Variants in DGKB observed in about 807,000 individuals in gnomAD.
The protein encoded by DGKB is diacylglycerol kinase beta, also known as 90 kDa diacylglycerol kinase.
DGKB carries 67 observed loss-of-function variants against 114.3 expected under a neutral mutation model. The observed-to-expected ratio is 0.59, with a 90% CI of 0.48 to 0.72. The LOEUF (loss-of-function observed/expected upper bound fraction) is 0.72. Among genes scored for constraint, DGKB ranks in the 30% least tolerant of loss-of-function variants. The probability of loss-of-function intolerance (pLI) is 0.00; values close to 1 mark genes in which losing one functional copy is unlikely to be tolerated. For missense variants in DGKB, 907 were observed against 975.2 expected, an observed-to-expected ratio of 0.93 and a Z score of 0.93; for synonymous variants, 398 against 323.1, an observed-to-expected ratio of 1.23 and a Z score of -2.49.
At chr7:14,206,161 A>G (rs1786775396) in intron 23 of DGKB, among the ~76,000 whole-genome samples, 1 of 152,058 alleles carries the variant, frequency 6.6e-6, no homozygotes, top group Non-Finnish European at 1.5e-5. Flanking sequence ...ACTAAGAAAG[A>G]CTGTAAAGAG....
chr7:14,822,470 G>T (rs756719035), intron 2 of DGKB, among the ~76,000 whole-genome samples: 14 of 152,126 alleles, frequency 9.2e-5, no homozygotes, highest in Non-Finnish European at 1.6e-4. Flanking sequence ...GGGGAGAAAT[G>T]ATTGGTTACT....
chr7:14,715,032 G>C (rs1421329222), intron 6 of DGKB, among the ~76,000 whole-genome samples: 1 of 152,140 alleles, frequency 6.6e-6, no homozygotes, highest in Non-Finnish European at 1.5e-5. Flanking sequence ...CCATGGGACA[G>C]AGACTATTTA....
intron 21 of DGKB, among the ~76,000 whole-genome samples, chr7:14,412,412 C>T (rs1825037591): frequency 6.6e-6 from 1 of 152,142 alleles, no homozygotes; most frequent in Non-Finnish European, 1.5e-5. Flanking sequence ...GGTCAGAATT[C>T]CCTGCTCAAG....
At chr7:14,883,220 A>G (rs1052062190) in intron 1 of DGKB, among the ~76,000 whole-genome samples, 1 of 151,900 alleles carries the variant, frequency 6.6e-6, no homozygotes, top group Non-Finnish European at 1.5e-5. Flanking sequence ...TTACTTATAC[A>G]TTTTACATAT....
intron 1 of DGKB, among the ~76,000 whole-genome samples, chr7:14,957,368 T>C (rs949472078): frequency 2.0e-5 from 3 of 152,028 alleles, no homozygotes; most frequent in African/African-American, 7.2e-5. Flanking sequence ...ATACAATAAA[T>C]AATGTGATCT....
chr7:14,833,034 A>T (rs555367909), intron 2 of DGKB, among the ~76,000 whole-genome samples: 1 of 152,114 alleles, frequency 6.6e-6, no homozygotes, highest in Admixed American at 6.6e-5. Flanking sequence ...AGCCACACTG[A>T]CTTACTTCTA....
chr7:14,293,826 GTTC>G (rs1470320720), intron 23 of DGKB, among the ~76,000 whole-genome samples: 2 of 152,116 alleles, frequency 1.3e-5, no homozygotes, highest in Non-Finnish European at 2.9e-5. Context: ...AAGTCCTTAT[GTTC>G]TTCTTGCTGA....
chr7:14,640,517 T>C (rs1200849777), intron 13 of DGKB, among the ~76,000 whole-genome samples: 2 of 152,180 alleles, frequency 1.3e-5, no homozygotes, highest in Non-Finnish European at 1.5e-5. Flanking sequence ...CTTTAGAGTA[T>C]TAGCAACAGA....
At chr7:14,688,711 C>T (rs1232573497) in intron 9 of DGKB, among the ~76,000 whole-genome samples, 1 of 152,088 alleles carries the variant, frequency 6.6e-6, no homozygotes, top group Non-Finnish European at 1.5e-5. Context: ...TACATTTTCC[C>T]CAACTCTTAG....
intron 23 of DGKB, among the ~76,000 whole-genome samples, chr7:14,214,767 A>G (rs185542100): frequency 2.6e-5 from 4 of 152,278 alleles, no homozygotes. Context: ...TTTCAAAAAT[A>G]CCAAATGAAA....
At chr7:14,280,008 G>C (rs970565413) in intron 23 of DGKB, among the ~76,000 whole-genome samples, 1 of 151,684 alleles carries the variant, frequency 6.6e-6, no homozygotes, top group Non-Finnish European at 1.5e-5. Flanking sequence ...AAGCTGGACG[G>C]AGAATGACTT....
At chr7:14,617,424 A>C (rs1273860687) in intron 15 of DGKB, among the ~76,000 whole-genome samples, 2 of 151,618 alleles carry the variant, frequency 1.3e-5, no homozygotes, top group Non-Finnish European at 3.0e-5. Context: ...CTCAAAATAT[A>C]TGTAGAATCC....
At chr7:14,512,067 G>GA (rs35778717) in intron 20 of DGKB, among the ~76,000 whole-genome samples, 65,978 of 151,966 alleles carry the variant, frequency 0.43, 15,178 homozygotes, top group East Asian at 0.73. Context: ...AAAAGTGACA[G>GA]AAACATAAAG....
chr7:14,215,839 C>A (rs1477759455), intron 23 of DGKB, among the ~76,000 whole-genome samples: 1 of 152,094 alleles, frequency 6.6e-6, no homozygotes, highest in Non-Finnish European at 1.5e-5. Context: ...GAAAGGTATG[C>A]ATTTTATTCA....
intron 23 of DGKB, among the ~76,000 whole-genome samples, chr7:14,300,788 G>A (rs1803410904): frequency 6.6e-6 from 1 of 151,956 alleles, no homozygotes; most frequent in Non-Finnish European, 1.5e-5. Context: ...CCATTTCCTG[G>A]TTTTGAATAG....
chr7:14,248,048 G>A (rs775901533), intron 23 of DGKB, among the ~76,000 whole-genome samples: 1 of 151,964 alleles, frequency 6.6e-6, no homozygotes, highest in Non-Finnish European at 1.5e-5. Flanking sequence ...ATAGGAGTTC[G>A]ATTCTATTCT....
intron 20 of DGKB, among the ~76,000 whole-genome samples, chr7:14,495,719 C>A (rs930628226): frequency 6.6e-6 from 1 of 151,730 alleles, no homozygotes; most frequent in African/African-American, 2.4e-5. Context: ...CCTGTAGTGT[C>A]TCTTTAAAAC....
chr7:14,777,892 AT>A (rs1430266906), intron 2 of DGKB, among the ~76,000 whole-genome samples: 2 of 152,096 alleles, frequency 1.3e-5, no homozygotes, highest in African/African-American at 4.8e-5. Flanking sequence ...AACTAATTTA[AT>A]TTGTCATAGC....
intron 1 of DGKB, among the ~76,000 whole-genome samples, chr7:14,971,919 T>C (rs140585100): frequency 3.3e-5 from 5 of 152,230 alleles, no homozygotes; most frequent in African/African-American, 1.2e-4. Flanking sequence ...TAATTTCTTG[T>C]ACTTTTAGTA....
Sources: allele counts gnomAD v4.1 joint callset (sites outside exome capture counted in the v4.1 genomes callset), GRCh38; gene constraint gnomAD v4.1.1; transcripts MANE v1.5; gene names NCBI Gene and HGNC (gene_info 2026-07-23, HGNC 2026-07-21).